Variants in PLEKHG4 observed in about 807,000 individuals in gnomAD.
PLEKHG4 encodes pleckstrin homology and RhoGEF domain containing G4.
PLEKHG4 carries 85 observed loss-of-function variants against 136.9 expected under a neutral mutation model. That is an observed-to-expected ratio of 0.62 (90% CI 0.52 to 0.74). PLEKHG4 has a LOEUF of 0.74. Among genes scored for constraint, PLEKHG4 ranks in the 30% least tolerant of loss-of-function variants. The pLI, the probability that PLEKHG4 is intolerant of heterozygous loss-of-function variation, is 0.00. For synonymous variants in PLEKHG4, 577 were observed against 646.9 expected (o/e 0.89, Z 1.64); for missense variants, 1,317 against 1,527.8 (o/e 0.86, Z 2.30).
At chr16:67,281,499 T>G in intron 5 of PLEKHG4, 68 bp from the exon 6 acceptor site, 1 of 1,371,764 alleles carries the variant, frequency 7.3e-7, no homozygotes, top group East Asian at 2.3e-5. Flanking sequence ...GTGCCGCAAT[T>G]ACAGGCGTGA....
chr16:67,281,301 GCAAAC>G, intron 5 of PLEKHG4, 117 bp downstream of exon 5: 2 of 816,128 alleles, frequency 2.5e-6, no homozygotes. Flanking sequence ...TTGGCTCACT[GCAAAC>G]TCTATCTCCC....
chr16:67,281,019 G>A lies in PLEKHG4; in HGVS notation c.719+14G>A, dbSNP rs780951600. On this transcript the variant is annotated intron_variant, in intron 4 of 21. Coordinates refer to ENST00000379344, the MANE Select transcript of PLEKHG4 (RefSeq NM_001129729.3). ...AAGCATCCCCAGGTTTGAGGGAGGGGGTTGGGAGACTGAGCCTGAGCCAGC... is the reference window on the plus strand; with the variant it reads ...AAGCATCCCCAGGTTTGAGGGAGGGAGTTGGGAGACTGAGCCTGAGCCAGC... The A allele has an allele frequency of 3.3e-5, 54 of 1,613,972 alleles. No homozygotes were observed. In the Middle Eastern group the frequency reaches 4.9e-4, roughly 15 times the overall value.
At position 67,279,695 on chromosome 16, in the gene PLEKHG4, G is replaced by A. The variant is rs1017510535; in HGVS notation, c.-170+69G>A. Reference sequence around the variant, plus strand: ...TGCAACAAGGCCAGGGCCTGGGGGGGCCGGCAGGAGAGCGAACCCGAGGCA... The same window carrying A: ...TGCAACAAGGCCAGGGCCTGGGGGGACCGGCAGGAGAGCGAACCCGAGGCA... On this transcript the variant is annotated intron_variant, in intron 1 of 21. Transcript: ENST00000379344. 5 of 227,150 alleles carry A rather than the reference G, an allele frequency of 2.2e-5. No homozygotes were observed. The South Asian group carries it at 2.8e-4, about 13-fold the overall frequency. The allele number at this position is 227,150 out of a possible 1,614,324, so 14.1% of individuals were successfully genotyped here. A position where few individuals can be genotyped will look rare whatever the true frequency, so the allele number is the denominator to read the frequency against.
chr16:67,280,310 G>A lies in PLEKHG4; in HGVS notation c.266G>A (p.Ser89Asn). ...GATGCCCAGAGGGGCACAGTAGAAAGCTCCTCAGTCCTGTCAGAAGGGCCA... is the reference window on the plus strand; with the variant it reads ...GATGCCCAGAGGGGCACAGTAGAAAACTCCTCAGTCCTGTCAGAAGGGCCA... ...SGDAQRGTVE[S>N]SSVLSEGPGP... Residue 89 changes from serine to asparagine, a missense_variant, in exon 2 of 22, where the codon AGC becomes AAC. Coordinates refer to ENST00000379344, the MANE Select transcript of PLEKHG4 (RefSeq NM_001129729.3). The surrounding 1 kb of genome is among the most constrained non-coding windows in gnomAD (Gnocchi z 4.4). The A allele has an allele frequency of 6.2e-7, 1 of 1,613,792 alleles. No individual in the cohort carries two copies. Among genetic ancestry groups the A allele is most frequent in the South Asian group, 1.1e-5 (1 of 91,092 alleles).
In PLEKHG4 at chr16:67,284,718, G is replaced by C; in HGVS notation, c.1698G>C (p.Leu566Phe). 1 of 1,613,726 alleles carries C rather than the reference G, an allele frequency of 6.2e-7. No homozygotes were observed. Among genetic ancestry groups the C allele is most frequent in the Non-Finnish European group, 8.5e-7 (1 of 1,179,940 alleles). ...ERLFQLFREA[L>F]TWAEEGQRVL... The stretch of plus-strand genomic sequence containing the variant: ...GTCCGGCCCTGGTGTTGCAGGCCTT[G>C]ACGTGGGCTGAGGAGGGGCAGCGAG... The change falls in exon 13 of 22, where the codon TTG (leucine) becomes TTC (phenylalanine). Residue 566 changes from leucine (L) to phenylalanine (F), a missense_variant. Leu to Phe is a conservative substitution (Grantham distance 22). Transcript: ENST00000379344. This position sits in a 1 kb window ranked among gnomAD's most constrained non-coding sequence, Gnocchi z 4.4.
chr16:67,283,492 G>A (rs886657854), intron 11 of PLEKHG4, among the ~76,000 whole-genome samples: 2 of 152,172 alleles, frequency 1.3e-5, no homozygotes, highest in Non-Finnish European at 2.9e-5. Flanking sequence ...GGCAATTGCA[G>A]TAGTCTAGGT....
rs756031722 is a variant in PLEKHG4 at position 67,288,560 on chromosome 16, G to A, written c.3526G>A (p.Val1176Met). Residue 1176 changes from valine (V) to methionine (M), a missense_variant, in exon 21 of 22, where the codon GTG (valine) becomes ATG (methionine). Coordinates refer to ENST00000379344, the MANE Select transcript of PLEKHG4 (RefSeq NM_001129729.3). The stretch of plus-strand genomic sequence containing the variant: ...CTCCAGTGGCTCTGACAGCAGCTGT[G>A]TGTCAGGGCAGGCCCTGGGTAGGGG... ...SGSSGSDSSC[V>M]SGQALGRGLE... 27 of 1,613,774 alleles carry A rather than the reference G, an allele frequency of 1.7e-5. No individual in the cohort carries two copies. Among genetic ancestry groups the A allele is most frequent in the Non-Finnish European group, 2.2e-5 (26 of 1,179,724 alleles).
intron 18 of PLEKHG4, chr16:67,287,610 C>A: frequency 1.9e-6 from 1 of 526,704 alleles, no homozygotes; most frequent in Non-Finnish European, 3.4e-6. Context: ...CCAGACTGGT[C>A]TTGAACTCCT....
rs763013932 is a variant in PLEKHG4 at position 67,287,167 on chromosome 16, C to T, written c.3093C>T (p.Val1031=). The T allele has an allele frequency of 6.2e-7, 1 of 1,607,894 alleles. No homozygotes were observed. The highest frequency in any genetic ancestry group is 1.1e-5 in the South Asian group (1 of 91,080). Residue 1031 remains valine, a synonymous_variant, in exon 18 of 22, where the codon GTC becomes GTT. Transcript: ENST00000379344. ...DISHLLWRQA[V]HNKEVRMAEM... is the part of the protein sequence containing the mutation. ...CCCACCTGCTTTGGAGGCAGGCCGTCCACAACAAGGGTGGGTCCATGCCCC... is the reference window on the plus strand; with the variant it reads ...CCCACCTGCTTTGGAGGCAGGCCGTTCACAACAAGGGTGGGTCCATGCCCC...
At chr16:67,282,962 C>A in intron 11 of PLEKHG4, 104 bp downstream of exon 11, 1 of 834,594 alleles carries the variant, frequency 1.2e-6, no homozygotes, top group Non-Finnish European at 2.0e-6. Flanking sequence ...TTTCTTAGAC[C>A]TTATAGTCCC....
Position 67,281,621 on chromosome 16 carries a change from A to G in PLEKHG4, c.868A>G (p.Lys290Glu). 1.2e-6 allele frequency: 2 copies of G among 1,614,012 alleles called. No homozygotes were observed. Among genetic ancestry groups the G allele is most frequent in the Non-Finnish European group, 1.7e-6 (2 of 1,179,970 alleles). Reference sequence around the variant, plus strand: ...GCTGCTAGTGGGAAGCACGCTGCTGAAGGAAGTGCCTTCCGGGCTGCAGGT... The same window carrying G: ...GCTGCTAGTGGGAAGCACGCTGCTGGAGGAAGTGCCTTCCGGGCTGCAGGT... ...QVLLVGSTLL[K>E]EVPSGLQLEQ... The change falls in exon 6 of 22, where the codon AAG becomes GAG. Residue 290 changes from lysine to glutamate, a missense_variant. By Grantham distance (56) the Lys-to-Glu change is moderately conservative. Coordinates refer to ENST00000379344, the MANE Select transcript of PLEKHG4 (RefSeq NM_001129729.3).
At chr16:67,278,268 G>A (rs2036061262), upstream of PLEKHG4, 1 of 152,408 alleles carries the variant, frequency 6.6e-6, no homozygotes, top group African/African-American at 2.4e-5. Context: ...TCATGAAGAA[G>A]GCTCCTCGGT....
rs564574695 is a variant in PLEKHG4 at position 67,280,346 on chromosome 16, G to A, written c.302G>A (p.Gly101Glu). The change falls in exon 2 of 22, where the codon GGA (glycine) becomes GAA (glutamate). Residue 101 changes from glycine to glutamate, a missense_variant. Physicochemically the swap from Gly to Glu is moderately conservative, Grantham distance 98. Transcript: ENST00000379344. The surrounding 1 kb of genome is among the most constrained non-coding windows in gnomAD (Gnocchi z 4.4). Reference protein sequence around the residue: ...SVLSEGPGPSGVESLLCPMSS... With the variant: ...SVLSEGPGPSEVESLLCPMSS... ...CTGTCAGAAGGGCCAGGCCCCTCTG[G>A]AGTGGAGAGTCTCCTATGCCCCATG... 1 of 1,613,520 alleles carries A rather than the reference G, an allele frequency of 6.2e-7. No homozygotes were observed. Among genetic ancestry groups the A allele is most frequent in the Admixed American group, 1.7e-5 (1 of 60,024 alleles).
Position 67,284,374 on chromosome 16 carries a change from C to G in PLEKHG4, c.1609C>G (p.Gln537Glu). The G allele has an allele frequency of 1.9e-6, 3 of 1,614,082 alleles. No homozygotes were observed. In the South Asian group the frequency reaches 3.3e-5, roughly 18 times the overall value. ...PGARFLALRA[Q>E]LTEFSRALAQ... Reference sequence around the variant, plus strand: ...GGCACGCTTTCTGGCCCTGCGAGCCCAGCTGACTGAATTCTCTAGGGCTTT... The same window carrying G: ...GGCACGCTTTCTGGCCCTGCGAGCCGAGCTGACTGAATTCTCTAGGGCTTT... The change falls in exon 12 of 22, where the codon CAG (glutamine) becomes GAG (glutamate). Residue 537 changes from glutamine to glutamate, a missense_variant. Physicochemically the swap from Gln to Glu is conservative, Grantham distance 29. Transcript: ENST00000379344. This position sits in a 1 kb window ranked among gnomAD's most constrained non-coding sequence, Gnocchi z 4.4.
At position 67,280,319 on chromosome 16, in the gene PLEKHG4, T is replaced by C; in HGVS notation, c.275T>C (p.Val92Ala). The C allele has an allele frequency of 6.2e-7, 1 of 1,613,716 alleles. No homozygotes were observed. Among genetic ancestry groups the C allele is most frequent in the Non-Finnish European group, 8.5e-7 (1 of 1,179,958 alleles). Residue 92 changes from valine (V) to alanine (A), a missense_variant, in exon 2 of 22, where the codon GTC becomes GCC. Coordinates refer to ENST00000379344, the MANE Select transcript of PLEKHG4 (RefSeq NM_001129729.3). This position sits in a 1 kb window ranked among gnomAD's most constrained non-coding sequence, Gnocchi z 4.4. ...AQRGTVESSS[V>A]LSEGPGPSGV... ...AGGGGCACAGTAGAAAGCTCCTCAG[T>C]CCTGTCAGAAGGGCCAGGCCCCTCT...
chr16:67,283,345 A>C (rs1440579148), intron 11 of PLEKHG4, among the ~76,000 whole-genome samples: 1 of 152,198 alleles, frequency 6.6e-6, no homozygotes, highest in African/African-American at 2.4e-5. Flanking sequence ...GTCAGTGGCC[A>C]CATCACTGGG....
At position 67,287,966 on chromosome 16, in the gene PLEKHG4, G is replaced by A. The variant is rs779531304; in HGVS notation, c.3172G>A (p.Glu1058Lys). 46 of 1,613,958 alleles carry A rather than the reference G, an allele frequency of 2.9e-5. No individual in the cohort carries two copies. Among genetic ancestry groups the A allele is most frequent in the Non-Finnish European group, 3.4e-5 (40 of 1,179,930 alleles). The change falls in exon 19 of 22, where the codon GAG becomes AAG. Residue 1058 changes from glutamate to lysine, a missense_variant. Transcript: ENST00000379344. ...NKAFRDIAPS[E>K]EAINDRTVNY... Reference sequence around the variant, plus strand: ...GGCCTTCCGAGACATTGCTCCCAGCGAGGAAGCCATCAACGACCGCACCGT... The same window carrying A: ...GGCCTTCCGAGACATTGCTCCCAGCAAGGAAGCCATCAACGACCGCACCGT...
chr16:67,286,945 C>T (rs754329269), intron 17 of PLEKHG4, 26 bp downstream of exon 17: 1 of 1,613,216 alleles, frequency 6.2e-7, no homozygotes, highest in South Asian at 1.1e-5. Flanking sequence ...CCAGGCCCCA[C>T]CACTTGTTTT....
chr16:67,285,166 T>C lies in PLEKHG4; in HGVS notation c.2146T>C (p.Ser716Pro), dbSNP rs1266917360. 1 of 1,613,368 alleles carries C rather than the reference T, an allele frequency of 6.2e-7. No individual in the cohort carries two copies. Among genetic ancestry groups the C allele is most frequent in the African/African-American group, 1.3e-5 (1 of 74,908 alleles). The change falls in exon 13 of 22, where the codon TCC becomes CCC. Residue 716 changes from serine to proline, a missense_variant. Physicochemically the swap from Ser to Pro is moderately conservative, Grantham distance 74. Coordinates refer to ENST00000379344, the MANE Select transcript of PLEKHG4 (RefSeq NM_001129729.3). ...EAGGGALPQA[S>P]PTVPPPGSSD... ...TGGAGGAGGTGCCCTGCCCCAGGCA[T>C]CCCCTACTGTGCCTCCACCAGGCAG...
Sources: allele counts gnomAD v4.1 joint callset (sites outside exome capture counted in the v4.1 genomes callset), GRCh38; gene constraint gnomAD v4.1.1; non-coding constraint Gnocchi (gnomAD v3.1); transcripts MANE v1.5; gene names NCBI Gene and HGNC (gene_info 2026-07-23, HGNC 2026-07-21).